The following UBR3 variants were observed in gnomAD, a reference collection of about 807,000 sequenced individuals.
UBR3 encodes the protein E3 ubiquitin-protein ligase UBR3.
UBR3 carries 85 observed loss-of-function variants against 243.2 expected under a neutral mutation model. The observed-to-expected ratio is 0.35, with a 90% CI of 0.29 to 0.42. The LOEUF is 0.42. Among genes scored for constraint, UBR3 ranks in the 10% least tolerant of loss-of-function variants. The pLI, the probability that UBR3 is intolerant of heterozygous loss-of-function variation, is 1.00. For synonymous variants in UBR3, 748 were observed against 799.8 expected (o/e 0.94, Z 1.09); for missense variants, 1,686 against 2,300.8 (o/e 0.73, Z 5.47).
chr2:170,073,356 G>C (rs1457936117), intron 35 of UBR3, 72 bp from the exon 36 acceptor site: 2 of 1,551,678 alleles, frequency 1.3e-6, no homozygotes, highest in African/African-American at 2.7e-5. Flanking sequence ...TAATTGATGA[G>C]GGTGACCTTT....
At position 169,872,298 on chromosome 2, in the gene UBR3, T is replaced by C. The variant is rs2083462143; in HGVS notation, c.608T>C (p.Leu203Pro). The C allele has an allele frequency of 6.5e-7, 1 of 1,535,946 alleles. No individual in the cohort carries two copies. Among genetic ancestry groups the C allele is most frequent in the South Asian group, 1.2e-5 (1 of 81,960 alleles). ...SNIPCVPKDL[L>P]MMSEFVLPRF... is the part of the protein sequence containing the mutation. ...ATTCCCTGTGTCCCTAAAGACTTAC[T>C]GATGATGTCTGAATTTGTTCTTCCA... The change falls in exon 2 of 39, where the codon CTG becomes CCG. Residue 203 changes from leucine (L) to proline (P), a missense_variant. Leu to Pro is a moderately conservative substitution (Grantham distance 98). Coordinates refer to ENST00000272793, the MANE Select transcript of UBR3 (RefSeq NM_172070.4).
At chr2:169,906,250 A>G in intron 10 of UBR3, 86 bp downstream of exon 10, 1 of 1,392,634 alleles carries the variant, frequency 7.2e-7, no homozygotes, top group Non-Finnish European at 9.4e-7. Context: ...TATAATGTGC[A>G]GTGTTTAATT....
At chr2:170,047,693 T>C (rs2091122859) in intron 32 of UBR3, among the ~76,000 whole-genome samples, 1 of 152,212 alleles carries the variant, frequency 6.6e-6, no homozygotes. Flanking sequence ...TTACCAGTGG[T>C]CAACTTTGGT....
intron 27 of UBR3, among the ~76,000 whole-genome samples, chr2:170,005,185 C>T (rs1380807958): frequency 1.3e-5 from 2 of 151,984 alleles, no homozygotes; most frequent in Non-Finnish European, 2.9e-5. Flanking sequence ...GATCGCGCCA[C>T]TGCACTCCAG....
chr2:169,855,284 C>T (rs568906953), intron 1 of UBR3, among the ~76,000 whole-genome samples: 9 of 152,232 alleles, frequency 5.9e-5, no homozygotes, highest in Non-Finnish European at 1.0e-4. Flanking sequence ...ATATATAATA[C>T]GCTAATTTGT....
At chr2:170,017,544 C>G (rs201651331) in intron 30 of UBR3, among the ~76,000 whole-genome samples, 1,343 of 42,724 alleles carry the variant, frequency 0.031, 4 homozygotes, top group South Asian at 0.077. Context: ...CACACACACA[C>G]AGACACACAC....
intron 1 of UBR3, among the ~76,000 whole-genome samples, chr2:169,848,241 C>T (rs2082547665): frequency 6.6e-6 from 1 of 151,406 alleles, no homozygotes; most frequent in South Asian, 2.1e-4. Context: ...AGGGGTTAAC[C>T]CAACGACCTG....
intron 24 of UBR3, among the ~76,000 whole-genome samples, chr2:169,960,562 G>T (rs1291706299): frequency 6.6e-6 from 1 of 151,738 alleles, no homozygotes; most frequent in African/African-American, 2.4e-5. Context: ...TACAAAAATT[G>T]ATAATTATAT....
chr2:169,868,184 C>T (rs2083319919), intron 1 of UBR3, among the ~76,000 whole-genome samples: 1 of 152,128 alleles, frequency 6.6e-6, no homozygotes, highest in Admixed American at 6.6e-5. Context: ...TCATGTATCT[C>T]TCAGTTTCAA....
At chr2:169,881,773 A>T (rs1179981740) in intron 5 of UBR3, among the ~76,000 whole-genome samples, 3 of 139,710 alleles carry the variant, frequency 2.1e-5, no homozygotes, top group Non-Finnish European at 4.6e-5. Context: ...AATTATATAT[A>T]ATATAATATA....
intron 26 of UBR3, 40 bp from the exon 27 acceptor site, chr2:170,001,264 C>T: frequency 7.1e-7 from 1 of 1,406,178 alleles, no homozygotes. Context: ...GTTTGTACTT[C>T]TTTAAAATTA....
intron 5 of UBR3, among the ~76,000 whole-genome samples, chr2:169,881,948 A>ATAT (rs1444745485): frequency 0.045 from 5,432 of 121,348 alleles, 142 homozygotes; most frequent in Middle Eastern, 0.085. Context: ...ATAATTACAT[A>ATAT]TGTATGTATA....
intron 10 of UBR3, among the ~76,000 whole-genome samples, chr2:169,907,267 C>G (rs1448785813): frequency 6.6e-6 from 1 of 151,952 alleles, no homozygotes; most frequent in Non-Finnish European, 1.5e-5. Context: ...TCTAACAGGT[C>G]TGATTATTCA....
intron 11 of UBR3, 81 bp from the exon 12 acceptor site, chr2:169,923,848 G>A (rs1322582662): frequency 8.5e-7 from 1 of 1,169,662 alleles, no homozygotes; most frequent in Non-Finnish European, 1.2e-6. Flanking sequence ...CCAGGTGAGA[G>A]TATGGTTTAA....
Position 170,015,320 on chromosome 2 carries a change from T to C in UBR3, c.4407T>C (p.Asn1469=). 2 of 1,611,378 alleles carry C rather than the reference T, an allele frequency of 1.2e-6. No homozygotes were observed. Among genetic ancestry groups the C allele is most frequent in the South Asian group, 1.1e-5 (1 of 90,878 alleles). Residue 1469 remains asparagine, a synonymous_variant, in exon 30 of 39, where the codon AAT becomes AAC. Coordinates refer to ENST00000272793, the MANE Select transcript of UBR3 (RefSeq NM_172070.4). ...LELELIHRGG[N]LCSGGASTAG... Reference sequence around the variant, plus strand: ...TTGAATTGATTCATCGAGGAGGCAATTTGTGTTCAGGTGGTGCAAGCACAG... The same window carrying C: ...TTGAATTGATTCATCGAGGAGGCAACTTGTGTTCAGGTGGTGCAAGCACAG...
At chr2:169,964,783 T>A (rs890037222) in intron 24 of UBR3, 22 of 442,500 alleles carry the variant, frequency 5.0e-5, no homozygotes, top group African/African-American at 4.2e-4. Flanking sequence ...TGCAAAGTTA[T>A]TGACTCCATG....
In UBR3 at chr2:169,923,934, A is replaced by G. The variant is rs1481605246; in HGVS notation, c.1872A>G (p.Ala624=). 35 of 1,545,556 alleles carry G rather than the reference A, an allele frequency of 2.3e-5. 1 individual carries two copies. The Middle Eastern group carries it at 5.0e-4, about 22-fold the overall frequency. Residue 624 remains alanine, a synonymous_variant, in exon 12 of 39, where the codon GCA becomes GCG. Transcript: ENST00000272793. ...ATTTTGTTTGTTTATTCCAGCCAGC[A>G]CCTAACCAAGTCACTTTTCATCTGC... is the stretch of plus-strand genomic sequence containing the variant. The part of the protein sequence containing the change: ...FDAINFVDEP[A]PNQVTFHLPL...
intron 9 of UBR3, among the ~76,000 whole-genome samples, chr2:169,905,507 A>G (rs1216128184): frequency 6.6e-6 from 1 of 152,224 alleles, no homozygotes; most frequent in Non-Finnish European, 1.5e-5. Flanking sequence ...AAACAGGAGT[A>G]TAACTTTTTA....
chr2:170,003,469 C>T (rs1486681593), intron 27 of UBR3, among the ~76,000 whole-genome samples: 1 of 6,520 alleles, frequency 1.5e-4, no homozygotes, highest in Admixed American at 3.4e-3. Context: ...TTCAACTATT[C>T]CTTCAGCAAT....
Sources: allele counts gnomAD v4.1 joint callset (sites outside exome capture counted in the v4.1 genomes callset), GRCh38; gene constraint gnomAD v4.1.1; transcripts MANE v1.5; gene names NCBI Gene and HGNC (gene_info 2026-07-23, HGNC 2026-07-21).